The following PDCD1LG2 variants were observed in gnomAD, a reference collection of about 807,000 sequenced individuals.
PDCD1LG2 encodes B7 dendritic cell molecule.
A neutral mutation model predicts 28.2 loss-of-function variants in PDCD1LG2; 32 were observed. That is an observed-to-expected ratio of 1.13 (90% confidence interval 0.86 to 1.52). The LOEUF is 1.52. Among genes scored for constraint, PDCD1LG2 ranks in the 40% most tolerant of loss-of-function variants. The pLI is 0.00. For missense variants in PDCD1LG2, 385 were observed against 323.8 expected (o/e 1.19, Z -1.45); for synonymous variants, 116 against 120.2 (o/e 0.97, Z 0.23).
At chr9:5,563,236 T>C (rs1381081693) in intron 6 of PDCD1LG2, 25 bp downstream of exon 6, 3 of 1,585,818 alleles carry the variant, frequency 1.9e-6, no homozygotes, top group African/African-American at 2.7e-5. Context: ...TTTTTACTTT[T>C]CTTTCTTACT....
chr9:5,561,437 T>A (rs893237970), intron 5 of PDCD1LG2, among the ~76,000 whole-genome samples: 2 of 152,212 alleles, frequency 1.3e-5, no homozygotes, highest in Admixed American at 1.3e-4. Context: ...CTTCCCAAAG[T>A]CATACAGCTG....
intron 1 of PDCD1LG2, among the ~76,000 whole-genome samples, chr9:5,516,124 T>C (rs926150641): frequency 6.6e-6 from 1 of 151,788 alleles, no homozygotes; most frequent in African/African-American, 2.4e-5. Context: ...CAATCTCGGC[T>C]CACTGCAACC....
intron 6 of PDCD1LG2, among the ~76,000 whole-genome samples, chr9:5,564,171 G>A (rs1816620320): frequency 6.6e-6 from 1 of 152,180 alleles, no homozygotes; most frequent in South Asian, 2.1e-4. Context: ...TTTGGTCATT[G>A]GAGTTGTCCA....
intron 3 of PDCD1LG2, 21 bp downstream of exon 3, chr9:5,535,071 G>C (rs2129797189): frequency 6.4e-7 from 1 of 1,564,428 alleles, no homozygotes. Context: ...TCAAGGACTA[G>C]AATCCATGGA....
intron 1 of PDCD1LG2, among the ~76,000 whole-genome samples, chr9:5,520,321 C>A (rs1820249296): frequency 6.6e-6 from 1 of 152,106 alleles, no homozygotes; most frequent in Admixed American, 6.6e-5. Context: ...GCAAGGGTGC[C>A]AAGACAGTTC....
chr9:5,529,456 A>G (rs967074296), intron 2 of PDCD1LG2, among the ~76,000 whole-genome samples: 2 of 152,178 alleles, frequency 1.3e-5, no homozygotes, highest in African/African-American at 4.8e-5. Flanking sequence ...AAAATCAATT[A>G]GTCATATTTA....
At chr9:5,535,180 A>G in intron 3 of PDCD1LG2, 130 bp downstream of exon 3, 1 of 811,102 alleles carries the variant, frequency 1.2e-6, no homozygotes, top group Non-Finnish European at 1.9e-6. Context: ...GCTATTTCAG[A>G]GAAAATGAAA....
chr9:5,540,291 C>G, intron 3 of PDCD1LG2, among the ~76,000 whole-genome samples: 1 of 152,036 alleles, frequency 6.6e-6, no homozygotes, highest in East Asian at 1.9e-4. Context: ...TCTGAAAGAG[C>G]ACAAATAGGC....
chr9:5,532,277 T>C lies in PDCD1LG2; in HGVS notation c.56-2468T>C, dbSNP rs1020901353. Among the ~76,000 whole-genome samples, 3 of 152,204 alleles carry C rather than the reference T, an allele frequency of 2.0e-5. No individual in the cohort carries two copies. In the South Asian group the frequency reaches 6.2e-4, roughly 31 times the overall value. On this transcript the variant is annotated intron_variant, in intron 2 of 6. Coordinates refer to ENST00000397747, the MANE Select transcript of PDCD1LG2 (RefSeq NM_025239.4). ...TGCTGGGCACACGTGAACTCCTCTC[T>C]GTAGAAAGGCACATTAATGTTCTAG... is the stretch of plus-strand genomic sequence containing the variant.
intron 1 of PDCD1LG2, among the ~76,000 whole-genome samples, chr9:5,511,843 T>A (rs1820064997): frequency 6.6e-6 from 1 of 152,212 alleles, no homozygotes; most frequent in Admixed American, 6.5e-5. Flanking sequence ...TTGGTGAGCT[T>A]TTCCATTGAA....
chr9:5,530,012 G>A (rs1245562865), intron 2 of PDCD1LG2, among the ~76,000 whole-genome samples: 2 of 131,182 alleles, frequency 1.5e-5, no homozygotes, highest in African/African-American at 2.9e-5. Context: ...AGTACATTAC[G>A]TGGCAAGTCT....
At chr9:5,544,854 T>C (rs1323917004) in intron 3 of PDCD1LG2, among the ~76,000 whole-genome samples, 1 of 152,358 alleles carries the variant, frequency 6.6e-6, no homozygotes, top group East Asian at 1.9e-4. Context: ...ACTGATCTTA[T>C]GACCTTAGGT....
intron 3 of PDCD1LG2, among the ~76,000 whole-genome samples, chr9:5,548,876 A>C (rs1231513429): frequency 6.6e-6 from 1 of 152,210 alleles, no homozygotes; most frequent in Non-Finnish European, 1.5e-5. Flanking sequence ...ATACCAAATA[A>C]AGTGAGATAG....
intron 2 of PDCD1LG2, among the ~76,000 whole-genome samples, chr9:5,525,368 A>C (rs904133205): frequency 3.3e-5 from 5 of 151,600 alleles, no homozygotes; most frequent in African/African-American, 9.7e-5. Context: ...AGAAAAAAAA[A>C]CACTTATGGC....
At chr9:5,564,022 G>C (rs745574218) in intron 6 of PDCD1LG2, among the ~76,000 whole-genome samples, 7 of 152,156 alleles carry the variant, frequency 4.6e-5, no homozygotes, top group Non-Finnish European at 8.8e-5. Context: ...GAGCACCATA[G>C]CCAAGATGAC....
chr9:5,514,778 A>G (rs1233365982), intron 1 of PDCD1LG2, among the ~76,000 whole-genome samples: 5 of 147,424 alleles, frequency 3.4e-5, no homozygotes, highest in Admixed American at 3.3e-4. Flanking sequence ...TAAAGAAAAA[A>G]AAAAAAAAAA....
chr9:5,513,729 C>T (rs1281320517), intron 1 of PDCD1LG2, among the ~76,000 whole-genome samples: 1 of 152,176 alleles, frequency 6.6e-6, no homozygotes, highest in African/African-American at 2.4e-5. Flanking sequence ...TACTCATATA[C>T]CTATGACAGC....
intron 1 of PDCD1LG2, among the ~76,000 whole-genome samples, chr9:5,520,240 A>T (rs566901264): frequency 6.6e-6 from 1 of 152,356 alleles, no homozygotes; most frequent in East Asian, 1.9e-4. Flanking sequence ...CATAGGATAG[A>T]CATATAGTTC....
At chr9:5,522,672 A>C (rs1168904559) in intron 2 of PDCD1LG2, 71 bp downstream of exon 2, 2 of 1,408,632 alleles carry the variant, frequency 1.4e-6, no homozygotes, top group Non-Finnish European at 2.0e-6. Context: ...GCCAAAAATG[A>C]GAATGTGGCC....
Sources: gnomAD v4.1 joint callset for allele counts (sites outside exome capture counted in the v4.1 genomes callset) on GRCh38, gnomAD v4.1.1 for gene constraint, MANE v1.5 for transcripts, NCBI Gene and HGNC (gene_info 2026-07-23, HGNC 2026-07-21) for gene names.